COP1: variants seen among roughly 807,000 people sequenced by gnomAD.
COP1 encodes E3 ubiquitin-protein ligase COP1.
A neutral mutation model predicts 101.3 loss-of-function variants in COP1; 24 were observed. The ratio of observed to expected loss-of-function variants is 0.24; its 90% CI spans 0.17 to 0.33. The LOEUF (loss-of-function observed/expected upper bound fraction) is 0.33, where lower values mean the gene tolerates loss of function less well. Among genes scored for constraint, COP1 ranks in the 10% least tolerant of loss-of-function variants. COP1 has a pLI of 1.00. For synonymous variants in COP1, 347 were observed against 341.9 expected, an observed-to-expected ratio of 1.01 and a Z score of -0.17; for missense variants, 663 against 906.2, an observed-to-expected ratio of 0.73 and a Z score of 3.45.
chr1:176,198,103 A>G (rs1004948520), intron 1 of COP1, among the ~76,000 whole-genome samples: 2 of 152,198 alleles, frequency 1.3e-5, no homozygotes, highest in Admixed American at 1.3e-4. Context: ...AGTAACCAAC[A>G]TTAAAATCCT....
chr1:176,154,556 T>G (rs991770851), intron 5 of COP1, among the ~76,000 whole-genome samples: 4 of 152,072 alleles, frequency 2.6e-5, no homozygotes, highest in African/African-American at 9.7e-5. Context: ...TACCACATGT[T>G]CTCACTTACA....
chr1:175,974,654 G>A (rs1301400788), intron 18 of COP1, among the ~76,000 whole-genome samples: 1 of 152,142 alleles, frequency 6.6e-6, no homozygotes, highest in Non-Finnish European at 1.5e-5. Context: ...AAGAATCAAA[G>A]AGAAATCCTA....
intron 18 of COP1, among the ~76,000 whole-genome samples, chr1:175,962,459 C>T (rs1452035761): frequency 6.6e-6 from 1 of 152,038 alleles, no homozygotes; most frequent in Non-Finnish European, 1.5e-5. Flanking sequence ...GCTCAAAGTC[C>T]CTTTCCTTTG....
chr1:176,046,224 T>G lies in COP1; in HGVS notation c.1378A>C (p.Ile460Leu), dbSNP rs1415448519. 6.2e-7 allele frequency: 1 copy of G among 1,605,732 alleles called. No homozygotes were observed. Among genetic ancestry groups the G allele is most frequent in the Non-Finnish European group, 8.5e-7 (1 of 1,177,478 alleles). The change falls in exon 12 of 20, where the codon ATT becomes CTT. Residue 460 changes from isoleucine (I) to leucine (L), a missense_variant. Physicochemically the swap from Ile to Leu is conservative, Grantham distance 5. This residue lies in a region of COP1 where 209 missense variants were observed against 383.3 expected (regional missense o/e 0.55). Coordinates refer to ENST00000367669, the MANE Select transcript of COP1 (RefSeq NM_022457.7). ...YDTVIQDAVDIHYPENEMTCN... is the reference protein window; with the variant it reads ...YDTVIQDAVDLHYPENEMTCN... ...GTCATTTCATTCTCAGGGTAATGAATATCCACTGCATCCTGGATGACAGTG... is the reference window on the plus strand; with the variant it reads ...GTCATTTCATTCTCAGGGTAATGAAGATCCACTGCATCCTGGATGACAGTG...
At chr1:176,201,893 T>C (rs899290046) in intron 1 of COP1, among the ~76,000 whole-genome samples, 30 of 152,214 alleles carry the variant, frequency 2.0e-4, no homozygotes, top group African/African-American at 6.5e-4. Context: ...AATAAGTTCT[T>C]GACAGATATT....
At chr1:176,058,937 G>A (rs1161690247) in intron 11 of COP1, among the ~76,000 whole-genome samples, 1 of 152,138 alleles carries the variant, frequency 6.6e-6, no homozygotes, top group African/African-American at 2.4e-5. Flanking sequence ...GAGAGCTTAG[G>A]CTGTGTCAAG....
intron 15 of COP1, among the ~76,000 whole-genome samples, chr1:176,023,265 A>G (rs973677935): frequency 2.6e-5 from 4 of 152,248 alleles, no homozygotes; most frequent in Admixed American, 2.6e-4. Flanking sequence ...GAAACTAGCA[A>G]ATGTTTAGCT....
intron 6 of COP1, among the ~76,000 whole-genome samples, chr1:176,141,159 G>A (rs921152089): frequency 6.6e-6 from 1 of 152,110 alleles, no homozygotes; most frequent in African/African-American, 2.4e-5. Flanking sequence ...GTTCCAAACT[G>A]AACAAAAGAA....
chr1:176,024,341 A>G (rs1320227882), intron 15 of COP1, among the ~76,000 whole-genome samples: 1 of 152,222 alleles, frequency 6.6e-6, no homozygotes, highest in Non-Finnish European at 1.5e-5. Flanking sequence ...TTAATATTAT[A>G]GTAACATTAC....
At position 176,099,789 on chromosome 1, in the gene COP1, G is replaced by A. The variant is rs1463636812; in HGVS notation, c.1027-13899C>T. ...CCTTGTCTACACAGCTGCTGTAGAG[G>A]GTTCCTGACCTGTGATAAGTAAAGA... On this transcript the variant is annotated intron_variant, in intron 9 of 19. Coordinates refer to ENST00000367669, the MANE Select transcript of COP1 (RefSeq NM_022457.7). Among the ~76,000 whole-genome samples, 3 of 152,094 alleles carry A rather than the reference G, an allele frequency of 2.0e-5. No homozygotes were observed. In the East Asian group the frequency reaches 5.8e-4, roughly 29 times the overall value.
chr1:176,092,040 C>T (rs1681423207), intron 9 of COP1, among the ~76,000 whole-genome samples: 1 of 151,954 alleles, frequency 6.6e-6, no homozygotes, highest in Admixed American at 6.5e-5. Flanking sequence ...TAACATAACC[C>T]ATCTGTATGT....
At chr1:175,968,212 T>C (rs1407157788) in intron 18 of COP1, among the ~76,000 whole-genome samples, 1 of 152,218 alleles carries the variant, frequency 6.6e-6, no homozygotes, top group African/African-American at 2.4e-5. Context: ...TTCCTGGTTG[T>C]AGGTTCCTTA....
chr1:176,140,164 C>T (rs1690448402), intron 6 of COP1, among the ~76,000 whole-genome samples: 1 of 152,034 alleles, frequency 6.6e-6, no homozygotes, highest in Non-Finnish European at 1.5e-5. Context: ...CTCCTAATAC[C>T]TCAAAGCTTT....
chr1:176,073,255 C>G (rs1181772694), intron 11 of COP1, among the ~76,000 whole-genome samples: 1 of 152,160 alleles, frequency 6.6e-6, no homozygotes, highest in Non-Finnish European at 1.5e-5. Flanking sequence ...ATTACCAGTA[C>G]AGAGACTATT....
At chr1:176,008,261 T>C (rs1332027196) in intron 15 of COP1, among the ~76,000 whole-genome samples, 2 of 152,224 alleles carry the variant, frequency 1.3e-5, no homozygotes, top group East Asian at 3.9e-4. Context: ...CCTAGTGAGA[T>C]GAACCCGGTA....
intron 1 of COP1, 162 bp downstream of exon 1, chr1:176,206,410 C>G: frequency 1.4e-6 from 1 of 728,146 alleles, no homozygotes; most frequent in Non-Finnish European, 2.2e-6. Flanking sequence ...CAACCAGGAG[C>G]TCGAATGCCT....
Position 176,204,246 on chromosome 1 carries a change from TAA to T in COP1, c.407+2324_407+2325del, listed in dbSNP as rs1342919287. Among the ~76,000 whole-genome samples, 8 of 152,304 alleles carry T rather than the reference TAA, an allele frequency of 5.3e-5. No homozygotes were observed. In the East Asian group the frequency reaches 1.5e-3, roughly 29 times the overall value. On this transcript the variant is annotated intron_variant, in intron 1 of 19. Coordinates refer to ENST00000367669, the MANE Select transcript of COP1 (RefSeq NM_022457.7). ...AAAATAATTAGTATTGTATTAAAAA[TAA>T]GTTATATATAACATCACAGAATTGT...
At position 176,173,871 on chromosome 1, in the gene COP1, C is replaced by T. The variant is rs533785754; in HGVS notation, c.565+2039G>A. Among the ~76,000 whole-genome samples, 7 of 150,026 alleles carry T rather than the reference C, an allele frequency of 4.7e-5. No homozygotes were observed. In the South Asian group the frequency reaches 1.3e-3, roughly 27 times the overall value. ...GGTACAGTGGCGCACGTCTGTGATTCCAGCAACCAGAGAGACTGCGGCAGG... is the reference window on the plus strand; with the variant it reads ...GGTACAGTGGCGCACGTCTGTGATTTCAGCAACCAGAGAGACTGCGGCAGG... On this transcript the variant is annotated intron_variant, in intron 3 of 19. Transcript: ENST00000367669.
intron 6 of COP1, among the ~76,000 whole-genome samples, chr1:176,145,605 G>A (rs1342169795): frequency 1.3e-5 from 2 of 151,916 alleles, no homozygotes; most frequent in African/African-American, 4.8e-5. Context: ...CAACTCAAAT[G>A]ACGACCAACA....
Sources: allele counts gnomAD v4.1 joint callset (sites outside exome capture counted in the v4.1 genomes callset), GRCh38; gene constraint gnomAD v4.1.1; regional missense constraint gnomAD v4.1.1; transcripts MANE v1.5; gene names NCBI Gene and HGNC (gene_info 2026-07-23, HGNC 2026-07-21).